Variants in IMMP2L observed in about 807,000 individuals in gnomAD.
IMMP2L encodes inner mitochondrial membrane peptidase subunit 2.
IMMP2L carries 18 observed loss-of-function variants against 19.3 expected under a neutral mutation model. That is an observed-to-expected ratio of 0.93 (90% CI 0.64 to 1.38). The LOEUF is 1.38. Among genes scored for constraint, IMMP2L ranks in the 40% most tolerant of loss-of-function variants. IMMP2L has a pLI of 0.00. For missense variants in IMMP2L, 233 were observed against 218.2 expected, an observed-to-expected ratio of 1.07 and a Z score of -0.43; for synonymous variants, 76 against 73.0, an observed-to-expected ratio of 1.04 and a Z score of -0.21.
intron 3 of IMMP2L, among the ~76,000 whole-genome samples, chr7:111,174,838 A>C (rs926226007): frequency 6.6e-6 from 1 of 151,936 alleles, no homozygotes; most frequent in Non-Finnish European, 1.5e-5. Flanking sequence ...GGCAGAAGAG[A>C]TATACATATA....
chr7:111,468,583 T>C (rs753879345), intron 3 of IMMP2L, among the ~76,000 whole-genome samples: 2 of 152,042 alleles, frequency 1.3e-5, no homozygotes, highest in African/African-American at 4.8e-5. Context: ...AGGACTCATA[T>C]GCAATATAAG....
At chr7:110,948,776 T>C (rs1817505006) in intron 4 of IMMP2L, among the ~76,000 whole-genome samples, 1 of 152,190 alleles carries the variant, frequency 6.6e-6, no homozygotes, top group Non-Finnish European at 1.5e-5. Context: ...TGAGTGTGTC[T>C]CTGCAGGTGT....
intron 3 of IMMP2L, among the ~76,000 whole-genome samples, chr7:111,402,986 C>A (rs984407938): frequency 1.6e-5 from 2 of 127,970 alleles, no homozygotes; most frequent in East Asian, 4.6e-4. Context: ...CTCACTGCAG[C>A]CTTGACCCCC....
At chr7:111,503,296 A>G (rs1844502855) in intron 2 of IMMP2L, among the ~76,000 whole-genome samples, 1 of 152,164 alleles carries the variant, frequency 6.6e-6, no homozygotes, top group Non-Finnish European at 1.5e-5. Flanking sequence ...TGAATAGAAC[A>G]ATAAGAGGCT....
chr7:110,882,504 C>T (rs1460724303), intron 5 of IMMP2L, among the ~76,000 whole-genome samples: 2 of 152,032 alleles, frequency 1.3e-5, no homozygotes, highest in East Asian at 3.9e-4. Flanking sequence ...CCTCAGCCTC[C>T]CGAGTAGCTG....
At chr7:111,310,149 C>A (rs1482132369) in intron 3 of IMMP2L, among the ~76,000 whole-genome samples, 1 of 151,372 alleles carries the variant, frequency 6.6e-6, no homozygotes, top group East Asian at 1.9e-4. Context: ...GCAGGAGAAT[C>A]GCTTGAACCC....
At chr7:111,366,164 A>G (rs890313543) in intron 3 of IMMP2L, among the ~76,000 whole-genome samples, 10 of 152,008 alleles carry the variant, frequency 6.6e-5, no homozygotes, top group African/African-American at 1.7e-4. Flanking sequence ...AGTAGTAACT[A>G]AAAAATAGAG....
At chr7:110,912,529 T>C (rs1434491808) in intron 4 of IMMP2L, among the ~76,000 whole-genome samples, 5 of 151,308 alleles carry the variant, frequency 3.3e-5, no homozygotes, top group African/African-American at 1.2e-4. Flanking sequence ...CAAACAAGCA[T>C]ACAGGTACAT....
chr7:111,336,980 T>G (rs1328336473), intron 3 of IMMP2L, among the ~76,000 whole-genome samples: 1 of 152,040 alleles, frequency 6.6e-6, no homozygotes, highest in Non-Finnish European at 1.5e-5. Context: ...TCATATATAT[T>G]TAATGTCAAT....
intron 4 of IMMP2L, among the ~76,000 whole-genome samples, chr7:110,890,859 T>C (rs1269664972): frequency 2.6e-5 from 4 of 152,152 alleles, no homozygotes; most frequent in Non-Finnish European, 5.9e-5. Context: ...AAAACAATGT[T>C]TTTAAGTCTC....
At chr7:110,663,838 G>A in intron 5 of IMMP2L, 117 bp from the exon 6 acceptor site, 2 of 624,526 alleles carry the variant, frequency 3.2e-6, no homozygotes, top group Non-Finnish European at 5.1e-6. Flanking sequence ...AAGTGATGAT[G>A]AATAAAAAAA....
At chr7:111,304,162 G>A (rs1006212841) in intron 3 of IMMP2L, among the ~76,000 whole-genome samples, 26 of 152,046 alleles carry the variant, frequency 1.7e-4, no homozygotes, top group African/African-American at 5.3e-4. Context: ...AAGCTTGTGT[G>A]AATTATTATC....
intron 3 of IMMP2L, among the ~76,000 whole-genome samples, chr7:111,186,472 G>A (rs1487886685): frequency 6.6e-6 from 1 of 151,842 alleles, no homozygotes; most frequent in Non-Finnish European, 1.5e-5. Flanking sequence ...CCAAGCTGGA[G>A]TGCAATGGCA....
At chr7:111,114,762 G>GA (rs555204081) in intron 3 of IMMP2L, among the ~76,000 whole-genome samples, 14 of 145,818 alleles carry the variant, frequency 9.6e-5, no homozygotes, top group Admixed American at 6.8e-5. Context: ...AAGAAAGAAA[G>GA]AAAAAAAAAG....
In IMMP2L at chr7:111,270,583, T is replaced by C. The variant is rs113941450; in HGVS notation, c.239+216655A>G. 3.1e-3 allele frequency among the ~76,000 whole-genome samples: 477 copies of C among 152,276 alleles called. 3 individuals are homozygous for C. The highest frequency in any genetic ancestry group is 0.011 in the African/African-American group (451 of 41,566). On this transcript the variant is annotated intron_variant, in intron 3 of 5. Coordinates refer to ENST00000405709, the MANE Select transcript of IMMP2L (RefSeq NM_032549.4). ...GAAGAGAAGAAACTTTATGCTATTA[T>C]GTGAGCAAATTAGCTGTCAAAACCA...
At chr7:111,002,786 A>T (rs1823847056) in intron 3 of IMMP2L, among the ~76,000 whole-genome samples, 1 of 152,170 alleles carries the variant, frequency 6.6e-6, no homozygotes, top group South Asian at 2.1e-4. Flanking sequence ...GAACTGTCTT[A>T]AGCATTTAAG....
chr7:111,509,695 TTAATA>T (rs1295047588), intron 2 of IMMP2L, among the ~76,000 whole-genome samples: 1 of 152,146 alleles, frequency 6.6e-6, no homozygotes, highest in Non-Finnish European at 1.5e-5. Flanking sequence ...AATATATTAC[TTAATA>T]TGAGTCATGA....
At chr7:110,753,121 AG>A (rs1012790085) in intron 5 of IMMP2L, among the ~76,000 whole-genome samples, 3 of 152,068 alleles carry the variant, frequency 2.0e-5, no homozygotes, top group South Asian at 2.1e-4. Flanking sequence ...GCAGAAGGTA[AG>A]GAGAATGAAA....
chr7:111,235,121 C>G (rs1814141401), intron 3 of IMMP2L, among the ~76,000 whole-genome samples: 1 of 152,002 alleles, frequency 6.6e-6, no homozygotes, highest in Admixed American at 6.6e-5. Context: ...TTTACTTCAT[C>G]TAAACAAGTT....
Sources: gnomAD v4.1 joint callset for allele counts (sites outside exome capture counted in the v4.1 genomes callset) on GRCh38, gnomAD v4.1.1 for gene constraint, MANE v1.5 for transcripts, NCBI Gene and HGNC (gene_info 2026-07-23, HGNC 2026-07-21) for gene names.